Variants in KANK1 observed in about 807,000 individuals in gnomAD.
The protein encoded by KANK1 is KN motif and ankyrin repeat domains 1, also known as KN motif and ankyrin repeat domain-containing protein 1.
KANK1 carries 109 observed loss-of-function variants against 106.2 expected under a neutral mutation model. The observed-to-expected ratio is 1.03, with a 90% CI of 0.88 to 1.20. KANK1 has a LOEUF of 1.20. Among genes scored for constraint, KANK1 ranks in the 50% most tolerant of loss-of-function variants. The pLI, the probability that KANK1 is intolerant of heterozygous loss-of-function variation, is 0.00. For missense variants in KANK1, 2,399 were observed against 1,710.7 expected (o/e 1.40, Z -7.10); for synonymous variants, 873 against 652.2 (o/e 1.34, Z -5.16).
intron 1 of KANK1, among the ~76,000 whole-genome samples, chr9:640,175 C>G (rs1264832770): frequency 6.6e-6 from 1 of 152,204 alleles, no homozygotes; most frequent in African/African-American, 2.4e-5. Flanking sequence ...GCTTCTCATT[C>G]TCACTGCTCA....
chr9:500,942 G>A (rs185114124), upstream of KANK1, among the ~76,000 whole-genome samples: 110 of 152,256 alleles, frequency 7.2e-4, 1 homozygote, highest in African/African-American at 2.4e-3. Context: ...AGAGGTCAAA[G>A]TTACAAACTA....
intron 3 of KANK1, chr9:478,337 A>G (rs1486614151): frequency 6.6e-6 from 1 of 152,578 alleles, no homozygotes; most frequent in Non-Finnish European, 1.5e-5. Flanking sequence ...GTGCAAGTAA[A>G]TATCCAGCTA....
intron 1 of KANK1, among the ~76,000 whole-genome samples, chr9:523,509 T>C (rs1478833044): frequency 2.0e-5 from 3 of 151,812 alleles, no homozygotes; most frequent in East Asian, 1.9e-4. Context: ...TGGCACTGCG[T>C]AGACTCTCTG....
At chr9:665,620 C>G (rs1844392320) in intron 1 of KANK1, among the ~76,000 whole-genome samples, 1 of 152,140 alleles carries the variant, frequency 6.6e-6, no homozygotes, top group African/African-American at 2.4e-5. Context: ...CAGCTTTGCT[C>G]TTTTTGCTCA....
At chr9:744,902 G>A (rs145177716) in intron 11 of KANK1, 2 of 1,416,100 alleles carry the variant, frequency 1.4e-6, no homozygotes, top group African/African-American at 1.4e-5. Flanking sequence ...CATGGTTCTG[G>A]CATTGTTCCT....
At chr9:493,217 C>T (rs954885490) in intron 3 of KANK1, among the ~76,000 whole-genome samples, 1 of 150,798 alleles carries the variant, frequency 6.6e-6, no homozygotes, top group Non-Finnish European at 1.5e-5. Flanking sequence ...TTGCAGCCAC[C>T]ATCTTGGTCA....
In KANK1 at chr9:576,363, C is replaced by A. The variant is rs1587958084; in HGVS notation, c.-84+71609C>A. Among the ~76,000 whole-genome samples the A allele has an allele frequency of 2.6e-5, 4 of 152,330 alleles. 1 individual carries two copies. The South Asian group carries it at 8.3e-4, about 32-fold the overall frequency. On this transcript the variant is annotated intron_variant, in intron 1 of 11. Transcript: ENST00000382297. ...CTCCTTGAAGGCCCAGCATAGACAA[C>A]CTTACTGGCCTCCCTTTTAATATAC...
chr9:580,205 G>A (rs191009746), intron 1 of KANK1, among the ~76,000 whole-genome samples: 54 of 152,026 alleles, frequency 3.6e-4, no homozygotes, highest in Admixed American at 2.8e-3. Context: ...GGAGTTGTTC[G>A]TTCCTCCGGT....
chr9:742,314 C>A lies in KANK1; in HGVS notation c.3806C>A (p.Thr1269Lys). The change falls in exon 10 of 12, where the codon ACG becomes AAG. Residue 1269 changes from threonine (T) to lysine (K), a missense_variant. Physicochemically the swap from Thr to Lys is moderately conservative, Grantham distance 78 (BLOSUM62 -1). Coordinates refer to ENST00000382297, the MANE Select transcript of KANK1 (RefSeq NM_015158.5). ...AACATCCAGGATGACGAGGGCTCCA[C>A]GGCCCTCATGTGTGCCAGCGAGCAC... ...DVNIQDDEGS[T>K]ALMCASEHGH... 1 of 1,613,902 alleles carries A rather than the reference C, an allele frequency of 6.2e-7. No homozygotes were observed. Among genetic ancestry groups the A allele is most frequent in the Non-Finnish European group, 8.5e-7 (1 of 1,179,786 alleles).
intron 1 of KANK1, among the ~76,000 whole-genome samples, chr9:591,395 A>G (rs933943069): frequency 2.6e-5 from 4 of 151,850 alleles, no homozygotes; most frequent in Non-Finnish European, 4.4e-5. Flanking sequence ...GTGTGATCAC[A>G]TCTTGGCATA....
chr9:670,978 T>A (rs953184305), intron 1 of KANK1, among the ~76,000 whole-genome samples: 44 of 103,014 alleles, frequency 4.3e-4, no homozygotes, highest in South Asian at 1.1e-3. Flanking sequence ...TTTTTTTTTT[T>A]ACTTCTCAGT....
intron 1 of KANK1, among the ~76,000 whole-genome samples, chr9:541,474 A>G (rs922542322): frequency 6.6e-6 from 1 of 152,258 alleles, no homozygotes; most frequent in African/African-American, 2.4e-5. Context: ...ATTTGACTGC[A>G]AAATGGACTA....
chr9:629,889 C>G (rs1025475882), intron 1 of KANK1, among the ~76,000 whole-genome samples: 3 of 152,192 alleles, frequency 2.0e-5, no homozygotes, highest in Admixed American at 2.0e-4. Context: ...AGGCACTGTA[C>G]TACGCACTTT....
At chr9:594,147 T>A (rs1005882165) in intron 1 of KANK1, among the ~76,000 whole-genome samples, 2 of 151,940 alleles carry the variant, frequency 1.3e-5, no homozygotes, top group African/African-American at 4.9e-5. Context: ...GTACCCACCT[T>A]ATTATACTAG....
intron 2 of KANK1, among the ~76,000 whole-genome samples, chr9:690,728 G>T (rs1477682411): frequency 6.6e-6 from 1 of 152,158 alleles, no homozygotes; most frequent in Non-Finnish European, 1.5e-5. Flanking sequence ...GCTCTCTGGG[G>T]GAAAAGTGTT....
In KANK1 at chr9:740,796, G is replaced by A; in HGVS notation, c.3558G>A (p.Val1186=). The change falls in exon 9 of 12, where the codon GTG becomes GTA. Residue 1186 remains valine, a synonymous_variant. Transcript: ENST00000382297. ...EIVKLLLDAD[V]CNVDHQNKAG... ...TTTTTTTTTTTTTTTTTACAGATGT[G>A]TGTAATGTGGATCACCAGAACAAGG... is the stretch of plus-strand genomic sequence containing the variant. 1 of 1,598,106 alleles carries A rather than the reference G, an allele frequency of 6.3e-7. No individual in the cohort carries two copies. Among genetic ancestry groups the A allele is most frequent in the Non-Finnish European group, 8.5e-7 (1 of 1,173,514 alleles).
rs947878061 is a variant in KANK1 at position 742,924 on chromosome 9, C to T, written c.3897+519C>T. Among the ~76,000 whole-genome samples, 4 of 152,196 alleles carry T rather than the reference C, an allele frequency of 2.6e-5. No individual in the cohort carries two copies. In the South Asian group the frequency reaches 6.2e-4, roughly 24 times the overall value. Reference sequence around the variant, plus strand: ...TGCAGAGTAGCTTGACTTCTTGAAGCGTTTTCCCATTTCTGCTTAGTCTGT... The same window carrying T: ...TGCAGAGTAGCTTGACTTCTTGAAGTGTTTTCCCATTTCTGCTTAGTCTGT... On this transcript the variant is annotated intron_variant, in intron 10 of 11. Coordinates refer to ENST00000382297, the MANE Select transcript of KANK1 (RefSeq NM_015158.5).
intron 2 of KANK1, among the ~76,000 whole-genome samples, chr9:708,711 G>A (rs1825029074): frequency 6.6e-6 from 1 of 152,128 alleles, no homozygotes; most frequent in Admixed American, 6.5e-5. Context: ...CAGCAACCAG[G>A]TTTGCTGGAA....
At chr9:687,578 C>G (rs1429649638) in intron 2 of KANK1, among the ~76,000 whole-genome samples, 1 of 152,124 alleles carries the variant, frequency 6.6e-6, no homozygotes, top group East Asian at 1.9e-4. Flanking sequence ...CATCTGCTCC[C>G]TCCCAGTGCT....
Sources: allele counts gnomAD v4.1 joint callset (sites outside exome capture counted in the v4.1 genomes callset), GRCh38; gene constraint gnomAD v4.1.1; transcripts MANE v1.5; gene names NCBI Gene and HGNC (gene_info 2026-07-23, HGNC 2026-07-21).